Variants in ZZZ3 observed in about 807,000 individuals in gnomAD.
ZZZ3 encodes ZZ-type zinc finger-containing protein 3.
In ZZZ3, 22 loss-of-function variants were observed where a neutral mutation model predicts 95.2. The ratio of observed to expected loss-of-function variants is 0.23; its 90% CI spans 0.17 to 0.33. The LOEUF is 0.33. Among genes scored for constraint, ZZZ3 ranks in the 10% least tolerant of loss-of-function variants. ZZZ3 has a pLI of 1.00. For synonymous variants in ZZZ3, 335 were observed against 358.9 expected (o/e 0.93, Z 0.75); for missense variants, 885 against 1,066.5 (o/e 0.83, Z 2.37).
In ZZZ3 at chr1:77,581,004, T is replaced by C; in HGVS notation, c.1974A>G (p.Glu658=). Residue 658 remains glutamate (E), a synonymous_variant, in exon 9 of 15, where the codon GAA becomes GAG. Transcript: ENST00000370801. ...ATTTTGAAATATTTATTACCTGTTC[T>C]TCAACAGTCCACAACTGGTTAAATG... ...PETFNQLWTV[E]EQKKLEQLLI... 6.2e-7 allele frequency: 1 copy of C among 1,613,758 alleles called. No homozygotes were observed.
intron 5 of ZZZ3, among the ~76,000 whole-genome samples, chr1:77,596,746 T>C (rs1664247299): frequency 6.6e-6 from 1 of 152,088 alleles, no homozygotes; most frequent in South Asian, 2.1e-4. Flanking sequence ...CTGATGTCCA[T>C]ATATAATGAA....
chr1:77,621,871 T>G (rs945262934), intron 5 of ZZZ3, among the ~76,000 whole-genome samples: 2 of 152,082 alleles, frequency 1.3e-5, no homozygotes, highest in African/African-American at 4.8e-5. Context: ...TTCCAGTTTT[T>G]ATTGTAATCT....
At chr1:77,618,929 T>A (rs1413737299) in intron 5 of ZZZ3, among the ~76,000 whole-genome samples, 1 of 152,210 alleles carries the variant, frequency 6.6e-6, no homozygotes, top group Non-Finnish European at 1.5e-5. Flanking sequence ...ACCTTTTCAA[T>A]TTATCCCTAG....
intron 1 of ZZZ3, among the ~76,000 whole-genome samples, chr1:77,648,419 G>T (rs1198378552): frequency 1.3e-5 from 2 of 148,156 alleles, no homozygotes; most frequent in African/African-American, 5.0e-5. Flanking sequence ...AAAAGCAATC[G>T]ACAGAAAAAG....
chr1:77,675,866 C>T (rs768824279), intron 1 of ZZZ3, among the ~76,000 whole-genome samples: 3 of 152,088 alleles, frequency 2.0e-5, no homozygotes, highest in Non-Finnish European at 4.4e-5. Flanking sequence ...ATTAAAAATG[C>T]TCTTTGACAT....
intron 12 of ZZZ3, among the ~76,000 whole-genome samples, chr1:77,572,333 TTTTTTTG>T (rs1040228685): frequency 2.6e-5 from 4 of 152,136 alleles, no homozygotes; most frequent in African/African-American, 9.7e-5. Context: ...GGGTTTTGGG[TTTTTTTG>T]TTTTGTTTTG....
chr1:77,600,023 CTATTA>C (rs1478909581), intron 5 of ZZZ3, among the ~76,000 whole-genome samples: 1 of 152,006 alleles, frequency 6.6e-6, no homozygotes, highest in African/African-American at 2.4e-5. Flanking sequence ...TCAATGGCCT[CTATTA>C]CAATGGTTAC....
rs1298011842 is a variant in ZZZ3 at position 77,661,350 on chromosome 1, C to T, written c.-402-19695G>A. Reference sequence around the variant, plus strand: ...ATCGCTTGAGCCCAGGAGTCCGAGGCTGCAGTGAGCCAAGATCACGCCATT... The same window carrying T: ...ATCGCTTGAGCCCAGGAGTCCGAGGTTGCAGTGAGCCAAGATCACGCCATT... On this transcript the variant is annotated intron_variant, in intron 1 of 14. Coordinates refer to ENST00000370801, the MANE Select transcript of ZZZ3 (RefSeq NM_015534.6). Among the ~76,000 whole-genome samples the T allele has an allele frequency of 2.0e-5, 3 of 152,064 alleles. No homozygotes were observed. The East Asian group carries it at 5.8e-4, about 29-fold the overall frequency.
intron 1 of ZZZ3, among the ~76,000 whole-genome samples, chr1:77,671,452 T>G (rs896762920): frequency 2.0e-5 from 3 of 152,202 alleles, no homozygotes; most frequent in African/African-American, 7.2e-5. Context: ...AGGACATACA[T>G]GCACACAAAC....
At chr1:77,662,842 C>T (rs568178592) in intron 1 of ZZZ3, among the ~76,000 whole-genome samples, 7 of 152,198 alleles carry the variant, frequency 4.6e-5, no homozygotes, top group African/African-American at 1.2e-4. Context: ...CTGTGGCTCA[C>T]GCCTGTAATC....
chr1:77,629,335 T>C (rs957341219), intron 5 of ZZZ3, among the ~76,000 whole-genome samples: 1 of 152,194 alleles, frequency 6.6e-6, no homozygotes, highest in Non-Finnish European at 1.5e-5. Flanking sequence ...AGTGCGATCC[T>C]AGCCAGGTTA....
intron 1 of ZZZ3, among the ~76,000 whole-genome samples, chr1:77,666,131 AT>A (rs1298820820): frequency 6.6e-6 from 1 of 152,278 alleles, no homozygotes; most frequent in East Asian, 1.9e-4. Context: ...TATCAAACGT[AT>A]ATACGGAATG....
At chr1:77,618,233 CTTTTTTTTTTTTTTTTTT>C (rs10597366) in intron 5 of ZZZ3, among the ~76,000 whole-genome samples, 1 of 81,040 alleles carries the variant, frequency 1.2e-5, no homozygotes, top group African/African-American at 5.0e-5. Flanking sequence ...CCAATGCAGC[CTTTTTTTTTTTTTTTTTT>C]TTTTTTTTTT....
In ZZZ3 at chr1:77,565,502, C is replaced by G. The variant is rs1570376399; in HGVS notation, c.*138G>C. The G allele has an allele frequency of 1.2e-6, 1 of 863,242 alleles. No homozygotes were observed. The allele number at this position is 863,242 out of a possible 1,614,324, so 53.5% of individuals were successfully genotyped here. A position where few individuals can be genotyped will look rare whatever the true frequency, so the allele number is the denominator to read the frequency against. On this transcript the variant is annotated 3_prime_UTR_variant, in exon 15 of 15. Coordinates refer to ENST00000370801, the MANE Select transcript of ZZZ3 (RefSeq NM_015534.6). ...CACAACGGTGCAGAGCTGTACTTGACGAGAACACTCAGGAAGCTCTCATGC... is the reference window on the plus strand; with the variant it reads ...CACAACGGTGCAGAGCTGTACTTGAGGAGAACACTCAGGAAGCTCTCATGC...
intron 5 of ZZZ3, among the ~76,000 whole-genome samples, chr1:77,626,699 A>T (rs1281946589): frequency 6.6e-6 from 1 of 152,198 alleles, no homozygotes; most frequent in Non-Finnish European, 1.5e-5. Flanking sequence ...CCAGAGGGGT[A>T]AATCCGGCTA....
intron 1 of ZZZ3, among the ~76,000 whole-genome samples, chr1:77,656,771 T>A (rs1470653581): frequency 6.6e-6 from 1 of 152,158 alleles, no homozygotes. Flanking sequence ...CCCAAGCTAG[T>A]TTCAGTATTT....
intron 5 of ZZZ3, among the ~76,000 whole-genome samples, chr1:77,604,826 A>G (rs1046651285): frequency 6.6e-6 from 1 of 152,246 alleles, no homozygotes; most frequent in Non-Finnish European, 1.5e-5. Context: ...ATTTTCTAAA[A>G]GAATGCTTGT....
intron 5 of ZZZ3, among the ~76,000 whole-genome samples, chr1:77,608,889 T>C (rs1665505370): frequency 6.6e-6 from 1 of 151,964 alleles, no homozygotes; most frequent in South Asian, 2.1e-4. Context: ...TGAAAAAACA[T>C]ATAACACATA....
chr1:77,625,554 A>G (rs1449964666), intron 5 of ZZZ3, among the ~76,000 whole-genome samples: 3 of 152,198 alleles, frequency 2.0e-5, no homozygotes, highest in Non-Finnish European at 4.4e-5. Flanking sequence ...AAAAGAACAT[A>G]GAAAAGAAAC....
Sources: gnomAD v4.1 joint callset for allele counts (sites outside exome capture counted in the v4.1 genomes callset) on GRCh38, gnomAD v4.1.1 for gene constraint, MANE v1.5 for transcripts, NCBI Gene and HGNC (gene_info 2026-07-23, HGNC 2026-07-21) for gene names.